ROBO1: variants seen among roughly 807,000 people sequenced by gnomAD.
The protein encoded by ROBO1 is roundabout homolog 1.
ROBO1 carries 149 observed loss-of-function variants against 195.9 expected under a neutral mutation model. The observed-to-expected ratio is 0.76, with a 90% CI of 0.67 to 0.87. The LOEUF (loss-of-function observed/expected upper bound fraction) is 0.87, where lower values mean the gene tolerates loss of function less well. Among genes scored for constraint, ROBO1 ranks in the 40% least tolerant of loss-of-function variants. The pLI is 0.00. For missense variants in ROBO1, 1,933 were observed against 2,068.3 expected (o/e 0.93, Z 1.27); for synonymous variants, 816 against 733.2 (o/e 1.11, Z -1.82).
intron 2 of ROBO1, among the ~76,000 whole-genome samples, chr3:79,213,256 A>T (rs2108806885): frequency 6.6e-6 from 1 of 152,290 alleles, no homozygotes; most frequent in Admixed American, 6.5e-5. Flanking sequence ...GAAAAAAAAA[A>T]AAATCTATGA....
At chr3:79,652,602 G>T (rs73849400) in intron 1 of ROBO1, among the ~76,000 whole-genome samples, 2,409 of 152,112 alleles carry the variant, frequency 0.016, 60 homozygotes, top group African/African-American at 0.056. Flanking sequence ...AAGTCATTTA[G>T]CTCAGGCTTT....
chr3:79,186,848 G>A (rs573578106), intron 2 of ROBO1, among the ~76,000 whole-genome samples: 4 of 152,076 alleles, frequency 2.6e-5, no homozygotes, highest in Admixed American at 6.6e-5. Flanking sequence ...TAGGAATATC[G>A]CATAGGAAAT....
At chr3:79,511,333 G>A (rs1940693044) in intron 2 of ROBO1, among the ~76,000 whole-genome samples, 1 of 152,120 alleles carries the variant, frequency 6.6e-6, no homozygotes, top group African/African-American at 2.4e-5. Context: ...TTATTTTTCA[G>A]ATTAAATAAG....
intron 8 of ROBO1, among the ~76,000 whole-genome samples, chr3:78,710,972 G>A (rs143194729): frequency 4.6e-5 from 7 of 152,218 alleles, no homozygotes; most frequent in African/African-American, 1.2e-4. Flanking sequence ...AGTAACTTCC[G>A]GTAAGTTTAA....
At chr3:79,007,471 A>C (rs888499430) in intron 3 of ROBO1, among the ~76,000 whole-genome samples, 1 of 152,184 alleles carries the variant, frequency 6.6e-6, no homozygotes, top group African/African-American at 2.4e-5. Context: ...GAGAATAAAA[A>C]TACACATAGC....
intron 2 of ROBO1, among the ~76,000 whole-genome samples, chr3:79,510,774 A>G (rs1940663172): frequency 6.6e-6 from 1 of 152,146 alleles, no homozygotes; most frequent in Admixed American, 6.5e-5. Flanking sequence ...GGCTCAATAC[A>G]AAGATTCCAA....
chr3:79,563,086 A>G (rs1942977548), intron 2 of ROBO1, among the ~76,000 whole-genome samples: 1 of 152,060 alleles, frequency 6.6e-6, no homozygotes, highest in Non-Finnish European at 1.5e-5. Flanking sequence ...TAGGGGTGAA[A>G]TACTATATAA....
chr3:79,529,829 A>G (rs1206527652), intron 2 of ROBO1, among the ~76,000 whole-genome samples: 1 of 152,240 alleles, frequency 6.6e-6, no homozygotes, highest in Non-Finnish European at 1.5e-5. Context: ...CTATGAAATC[A>G]GAACAAAGTA....
chr3:79,609,662 G>A (rs550470687), intron 1 of ROBO1, among the ~76,000 whole-genome samples: 6 of 151,788 alleles, frequency 4.0e-5, no homozygotes, highest in African/African-American at 1.5e-4. Context: ...ATGGAGTATC[G>A]TTCAGCCTTA....
At chr3:78,997,338 T>C (rs534108985) in intron 3 of ROBO1, among the ~76,000 whole-genome samples, 3 of 152,244 alleles carry the variant, frequency 2.0e-5, no homozygotes, top group Admixed American at 6.6e-5. Context: ...AGCATATAGG[T>C]TCCATGAGAG....
chr3:79,377,701 G>A (rs1164568822), intron 2 of ROBO1, among the ~76,000 whole-genome samples: 1 of 152,186 alleles, frequency 6.6e-6, no homozygotes, highest in African/African-American at 2.4e-5. Flanking sequence ...GAGAAAGGTG[G>A]TCATTAGGGA....
intron 4 of ROBO1, among the ~76,000 whole-genome samples, chr3:78,929,449 T>C (rs964371183): frequency 6.6e-6 from 1 of 152,034 alleles, no homozygotes; most frequent in Non-Finnish European, 1.5e-5. Context: ...TCAGGCACTG[T>C]CAACACAGAA....
intron 2 of ROBO1, among the ~76,000 whole-genome samples, chr3:79,294,872 G>A (rs912324632): frequency 2.6e-5 from 4 of 152,200 alleles, no homozygotes; most frequent in Non-Finnish European, 5.9e-5. Context: ...AGTCATTAGA[G>A]AAATGCAAAT....
chr3:79,146,163 C>T (rs1468412066), intron 2 of ROBO1, among the ~76,000 whole-genome samples: 2 of 151,734 alleles, frequency 1.3e-5, no homozygotes, highest in Non-Finnish European at 2.9e-5. Flanking sequence ...AAAAGCAATC[C>T]TAAATATACA....
chr3:79,112,574 T>C (rs184083705), intron 3 of ROBO1, among the ~76,000 whole-genome samples: 1 of 152,286 alleles, frequency 6.6e-6, no homozygotes, highest in Non-Finnish European at 1.5e-5. Context: ...ACCTGTGATT[T>C]ACCAAGGTCC....
intron 2 of ROBO1, among the ~76,000 whole-genome samples, chr3:79,525,570 T>TATATATAAATATATATATATA (rs1559964906): frequency 1.4e-5 from 2 of 144,980 alleles, no homozygotes; most frequent in African/African-American, 5.1e-5. Context: ...ATATATATAT[T>TATATATAAATATATATATATA]TTTTTTGGTA....
At chr3:79,329,283 T>C (rs2034337534) in intron 2 of ROBO1, among the ~76,000 whole-genome samples, 1 of 152,180 alleles carries the variant, frequency 6.6e-6, no homozygotes, top group Admixed American at 6.5e-5. Flanking sequence ...AGGTCAATTG[T>C]TCCTAGTTCT....
chr3:79,623,389 A>G (rs2107988551), intron 1 of ROBO1, among the ~76,000 whole-genome samples: 1 of 152,346 alleles, frequency 6.6e-6, no homozygotes, highest in Non-Finnish European at 1.5e-5. Context: ...ATAGGCAATA[A>G]AAAACTATGC....
intron 2 of ROBO1, among the ~76,000 whole-genome samples, chr3:79,393,135 A>G (rs187785372): frequency 1.3e-5 from 2 of 152,330 alleles, no homozygotes; most frequent in East Asian, 3.9e-4. Context: ...TTGTCCATCT[A>G]TCATTTGGTC....
Sources: allele counts gnomAD v4.1 joint callset (sites outside exome capture counted in the v4.1 genomes callset), GRCh38; gene constraint gnomAD v4.1.1; transcripts MANE v1.5; gene names NCBI Gene and HGNC (gene_info 2026-07-23, HGNC 2026-07-21).